Variants in TPRG1 observed in about 807,000 individuals in gnomAD.
TPRG1 encodes tumor protein p63 regulated 1.
A neutral mutation model predicts 29.3 loss-of-function variants in TPRG1; 29 were observed. The ratio of observed to expected loss-of-function variants is 0.99; its 90% CI spans 0.74 to 1.35. TPRG1 has a LOEUF of 1.35. Among genes scored for constraint, TPRG1 ranks in the 40% most tolerant of loss-of-function variants. The pLI is 0.00. For missense variants in TPRG1, 327 were observed against 335.0 expected, an observed-to-expected ratio of 0.98 and a Z score of 0.19; for synonymous variants, 130 against 116.8, an observed-to-expected ratio of 1.11 and a Z score of -0.73.
intron 4 of TPRG1, among the ~76,000 whole-genome samples, chr3:189,049,725 AGG>A (rs1715196572): frequency 6.6e-6 from 1 of 152,202 alleles, no homozygotes; most frequent in African/African-American, 2.4e-5. Flanking sequence ...ACCAAAGCTA[AGG>A]ACCTTTAGGG....
At chr3:189,308,334 T>C (rs540625215) in intron 4 of TPRG1, among the ~76,000 whole-genome samples, 44 of 152,352 alleles carry the variant, frequency 2.9e-4, no homozygotes, top group African/African-American at 1.0e-3. Flanking sequence ...ATTTCTTTCA[T>C]GTGAGTACGT....
chr3:189,024,885 A>C (rs186822865), intron 4 of TPRG1, among the ~76,000 whole-genome samples: 16 of 152,274 alleles, frequency 1.1e-4, no homozygotes, highest in African/African-American at 3.9e-4. Flanking sequence ...AGGCTGGCTG[A>C]GTTGTCCAAA....
intron 3 of TPRG1, among the ~76,000 whole-genome samples, chr3:189,017,768 T>C (rs1713030241): frequency 6.6e-6 from 1 of 152,196 alleles, no homozygotes; most frequent in African/African-American, 2.4e-5. Flanking sequence ...CTGGGTCAAA[T>C]GGTATTTCTA....
chr3:189,309,288 A>T (rs1434263648), intron 4 of TPRG1, among the ~76,000 whole-genome samples: 1 of 152,184 alleles, frequency 6.6e-6, no homozygotes, highest in Non-Finnish European at 1.5e-5. Context: ...TACCATCTCC[A>T]CATGGATAAA....
At chr3:189,145,570 C>G (rs1725159245) in intron 3 of TPRG1, among the ~76,000 whole-genome samples, 1 of 151,980 alleles carries the variant, frequency 6.6e-6, no homozygotes, top group South Asian at 2.1e-4. Context: ...TATAAGGTAG[C>G]AATAGGGTTG....
intron 1 of TPRG1, among the ~76,000 whole-genome samples, chr3:189,204,577 A>G (rs915023290): frequency 1.3e-5 from 2 of 152,156 alleles, no homozygotes; most frequent in South Asian, 4.1e-4. Context: ...CTGGATCTCA[A>G]ACAGCTTGGT....
chr3:189,207,277 C>T (rs983410046), intron 1 of TPRG1, 99 bp from the exon 2 acceptor site: 13 of 1,476,242 alleles, frequency 8.8e-6, no homozygotes, highest in Admixed American at 4.4e-5. Flanking sequence ...TTTTAAGTTT[C>T]AGGAATTCCG....
At chr3:189,105,878 G>A (rs1719761075) in intron 1 of TPRG1, among the ~76,000 whole-genome samples, 1 of 152,064 alleles carries the variant, frequency 6.6e-6, no homozygotes, top group African/African-American at 2.4e-5. Context: ...GTAAAACCTA[G>A]TGTGTCCACT....
chr3:189,234,045 A>AT (rs1025358453), intron 3 of TPRG1, among the ~76,000 whole-genome samples: 6 of 151,916 alleles, frequency 3.9e-5, no homozygotes, highest in Admixed American at 2.0e-4. Context: ...TATCTTTCTT[A>AT]TTTTTTTATT....
chr3:189,315,445 T>G (rs974857939), intron 5 of TPRG1: 2 of 446,468 alleles, frequency 4.5e-6, no homozygotes, highest in Non-Finnish European at 8.9e-6. Flanking sequence ...TTGCAACTTA[T>G]AGCCTTACCT....
intron 4 of TPRG1, among the ~76,000 whole-genome samples, chr3:189,040,984 G>A (rs1714596816): frequency 6.6e-6 from 1 of 152,094 alleles, no homozygotes; most frequent in Admixed American, 6.6e-5. Flanking sequence ...ACAGTCTTCT[G>A]GTCTTTCCCT....
chr3:189,157,190 TAGAG>T (rs1366320271), intron 5 of TPRG1, among the ~76,000 whole-genome samples: 2 of 152,276 alleles, frequency 1.3e-5, no homozygotes, highest in African/African-American at 4.8e-5. Flanking sequence ...TTATGCATCT[TAGAG>T]AGAAGCTTGA....
chr3:189,100,219 G>C (rs894840402), intron 1 of TPRG1: 1 of 152,332 alleles, frequency 6.6e-6, no homozygotes, highest in African/African-American at 2.4e-5. Flanking sequence ...GTGGGCTCTA[G>C]TCTGCTGCCC....
intron 3 of TPRG1, among the ~76,000 whole-genome samples, chr3:189,144,693 A>G (rs1037833190): frequency 6.8e-6 from 1 of 147,150 alleles, no homozygotes; most frequent in East Asian, 2.0e-4. Context: ...CAACTGATTC[A>G]TGGGTATTTT....
At chr3:189,003,700 C>T (rs930712294) in intron 2 of TPRG1, among the ~76,000 whole-genome samples, 5 of 152,134 alleles carry the variant, frequency 3.3e-5, no homozygotes, top group African/African-American at 7.2e-5. Flanking sequence ...GTTGGCATTA[C>T]AGTTCTCTCT....
chr3:189,266,779 A>G (rs921804670), intron 4 of TPRG1, among the ~76,000 whole-genome samples: 1 of 152,188 alleles, frequency 6.6e-6, no homozygotes, highest in Non-Finnish European at 1.5e-5. Flanking sequence ...GCAAAGCATA[A>G]CTTATAACTA....
chr3:189,156,449 A>C (rs920566611), intron 5 of TPRG1, among the ~76,000 whole-genome samples: 2 of 152,158 alleles, frequency 1.3e-5, no homozygotes, highest in Non-Finnish European at 2.9e-5. Context: ...TTTTGGAGTT[A>C]GAGTCAGTGA....
At chr3:189,215,999 G>C (rs1375940) in intron 3 of TPRG1, among the ~76,000 whole-genome samples, 1 of 151,824 alleles carries the variant, frequency 6.6e-6, no homozygotes, top group African/African-American at 2.4e-5. Context: ...CACAAAGATG[G>C]TTACCTTTCT....
At chr3:189,024,315 C>A (rs1713539908) in intron 4 of TPRG1, among the ~76,000 whole-genome samples, 1 of 151,968 alleles carries the variant, frequency 6.6e-6, no homozygotes, top group Non-Finnish European at 1.5e-5. Context: ...GGGGAACCGC[C>A]TCTGCCCTGA....
Sources: allele counts gnomAD v4.1 joint callset (sites outside exome capture counted in the v4.1 genomes callset), GRCh38; gene constraint gnomAD v4.1.1; transcripts MANE v1.5; gene names NCBI Gene and HGNC (gene_info 2026-07-23, HGNC 2026-07-21).